Variants in CEP112 observed in about 807,000 individuals in gnomAD.
CEP112 encodes centrosomal protein of 112 kDa.
CEP112 carries 127 observed loss-of-function variants against 153.0 expected under a neutral mutation model. The observed-to-expected ratio is 0.83, with a 90% CI of 0.72 to 0.96. CEP112 has a LOEUF of 0.96. CEP112 is among the 40% of genes least tolerant of loss of function. The probability of loss-of-function intolerance (pLI) is 0.00; values close to 1 mark genes in which losing one functional copy is unlikely to be tolerated. For missense variants in CEP112, 1,089 were observed against 1,101.2 expected (o/e 0.99, Z 0.16); for synonymous variants, 358 against 374.4 (o/e 0.96, Z 0.51).
intron 21 of CEP112, among the ~76,000 whole-genome samples, chr17:65,837,694 T>C (rs1254943559): frequency 6.6e-6 from 1 of 152,224 alleles, no homozygotes. Context: ...TGTTACTGTG[T>C]CTGTGTAGAA....
At chr17:65,969,345 T>C (rs932530076) in intron 17 of CEP112, among the ~76,000 whole-genome samples, 12 of 152,142 alleles carry the variant, frequency 7.9e-5, no homozygotes, top group African/African-American at 2.7e-4. Flanking sequence ...TTAAGATCAT[T>C]ATGAAAAATA....
chr17:65,711,547 T>C (rs888428854), intron 23 of CEP112, among the ~76,000 whole-genome samples: 4 of 152,214 alleles, frequency 2.6e-5, no homozygotes, highest in Admixed American at 2.6e-4. Flanking sequence ...TATCACACTT[T>C]TGTTAAGTTT....
In CEP112 at chr17:65,885,324, T is replaced by TTAG. The variant is rs537411563; in HGVS notation, c.2163+16827_2163+16828insCTA. ...GTCCCTAAACTACTCATTCAGTTAC[T>TTAG]TAACTATTTGGCTGAAGATAATATT... On this transcript the variant is annotated intron_variant, in intron 20 of 26. Coordinates refer to ENST00000535342, the MANE Select transcript of CEP112 (RefSeq NM_001199165.4). 1.5e-3 allele frequency among the ~76,000 whole-genome samples: 232 copies of TTAG among 152,328 alleles called. 1 individual carries two copies. The highest frequency in any genetic ancestry group is 5.1e-3 in the African/African-American group (213 of 41,562).
Position 66,183,169 on chromosome 17 carries a change from A to G in CEP112, c.106+25T>C, listed in dbSNP as rs755541797. On this transcript the variant is annotated intron_variant, in intron 2 of 26. Transcript: ENST00000535342. Reference sequence around the variant, plus strand: ...ATAAAGAAAAAAATTAATCTTAAGAATCTAATCTTCAAACATAATCTTACC... The same window carrying G: ...ATAAAGAAAAAAATTAATCTTAAGAGTCTAATCTTCAAACATAATCTTACC... The G allele has an allele frequency of 7.0e-6, 10 of 1,437,638 alleles. No individual in the cohort carries two copies. In the African/African-American group the frequency reaches 1.0e-4, roughly 14 times the overall value. The allele number at this position is 1,437,638 out of a possible 1,614,324, so 89.1% of individuals were successfully genotyped here. A position where few individuals can be genotyped will look rare whatever the true frequency, so the allele number is the denominator to read the frequency against.
At chr17:65,971,367 C>A (rs1278642026) in intron 17 of CEP112, among the ~76,000 whole-genome samples, 1 of 152,170 alleles carries the variant, frequency 6.6e-6, no homozygotes. Context: ...ACATGTATAT[C>A]GCATGTATGT....
chr17:66,108,886 G>A (rs2068896305), intron 6 of CEP112, among the ~76,000 whole-genome samples: 1 of 152,134 alleles, frequency 6.6e-6, no homozygotes, highest in Non-Finnish European at 1.5e-5. Flanking sequence ...ACAGATGAAT[G>A]GAAAAAGAAA....
At chr17:65,886,682 A>C (rs1224952194) in intron 20 of CEP112, among the ~76,000 whole-genome samples, 1 of 152,220 alleles carries the variant, frequency 6.6e-6, no homozygotes, top group African/African-American at 2.4e-5. Context: ...TGTGGTAGTT[A>C]AAATGCAATT....
chr17:66,048,659 G>A (rs2056233), intron 12 of CEP112, among the ~76,000 whole-genome samples: 62,467 of 151,970 alleles, frequency 0.41, 14,304 homozygotes, highest in East Asian at 0.87. Flanking sequence ...GCCTAGGCTG[G>A]AGTGCAGTGG....
Position 66,066,836 on chromosome 17 carries a change from A to C in CEP112, c.897T>G (p.Thr299=), listed in dbSNP as rs751566662. 6.5e-7 allele frequency: 1 copy of C among 1,549,208 alleles called. No individual in the cohort carries two copies. Residue 299 remains threonine, a synonymous_variant, in exon 10 of 27, where the codon ACT becomes ACG. Transcript: ENST00000535342. ...RKNNEIEELK[T]LYRSKQHETE... ...TTTCATGTTGTTTACTCCTGTATAA[A>C]GTTTTCAGTTCTTCTATTTCATTAT...
At chr17:65,828,019 A>G (rs574007820) in intron 21 of CEP112, among the ~76,000 whole-genome samples, 21 of 152,308 alleles carry the variant, frequency 1.4e-4, no homozygotes, top group Non-Finnish European at 2.4e-4. Flanking sequence ...AAAATTCTAT[A>G]TAAGTTACTT....
At position 65,893,604 on chromosome 17, in the gene CEP112, C is replaced by T. The variant is rs1348944870; in HGVS notation, c.2163+8548G>A. Among the ~76,000 whole-genome samples, 3 of 152,220 alleles carry T rather than the reference C, an allele frequency of 2.0e-5. No homozygotes were observed. In the East Asian group the frequency reaches 5.8e-4, roughly 29 times the overall value. On this transcript the variant is annotated intron_variant, in intron 20 of 26. Coordinates refer to ENST00000535342, the MANE Select transcript of CEP112 (RefSeq NM_001199165.4). ...TGCACACTAACCTACTGATTCAATA[C>T]TTGGGGGCTCAATTCAGCCCATTTT...
At chr17:65,930,317 CA>C (rs1404032318) in intron 18 of CEP112, among the ~76,000 whole-genome samples, 1 of 152,206 alleles carries the variant, frequency 6.6e-6, no homozygotes, top group Non-Finnish European at 1.5e-5. Flanking sequence ...TTTATTCAGA[CA>C]TGATTAGACT....
intron 4 of CEP112, among the ~76,000 whole-genome samples, chr17:66,147,093 T>C (rs1161834369): frequency 6.6e-6 from 1 of 152,112 alleles, no homozygotes; most frequent in Non-Finnish European, 1.5e-5. Context: ...ACCATGTCAT[T>C]TCCAACAGCA....
chr17:65,651,752 G>A (rs2045793011), intron 24 of CEP112, among the ~76,000 whole-genome samples: 1 of 151,218 alleles, frequency 6.6e-6, no homozygotes, highest in Admixed American at 6.6e-5. Flanking sequence ...CCAGGCAGAA[G>A]TGCAGTGTCA....
At chr17:65,818,019 G>A (rs550810143) in intron 21 of CEP112, among the ~76,000 whole-genome samples, 2 of 151,786 alleles carry the variant, frequency 1.3e-5, no homozygotes, top group South Asian at 2.1e-4. Flanking sequence ...CAATTATGAC[G>A]CCTTTTCTTC....
At chr17:65,694,535 A>C (rs1245549890) in intron 23 of CEP112, among the ~76,000 whole-genome samples, 1 of 152,228 alleles carries the variant, frequency 6.6e-6, no homozygotes, top group Non-Finnish European at 1.5e-5. Context: ...TAATCAGAGA[A>C]AGCAGTTGTA....
At chr17:65,683,954 TC>T (rs2047661558) in intron 24 of CEP112, among the ~76,000 whole-genome samples, 1 of 152,104 alleles carries the variant, frequency 6.6e-6, no homozygotes. Flanking sequence ...GGCAGGTGAA[TC>T]ACTTGAACCC....
At chr17:65,739,030 T>C (rs886416511) in intron 23 of CEP112, among the ~76,000 whole-genome samples, 3 of 152,252 alleles carry the variant, frequency 2.0e-5, no homozygotes, top group Non-Finnish European at 2.9e-5. Flanking sequence ...CAGGGCTTAA[T>C]GGAAATACAG....
intron 21 of CEP112, among the ~76,000 whole-genome samples, chr17:65,754,123 G>A (rs4791134): frequency 0.41 from 63,077 of 152,042 alleles, 13,593 homozygotes; most frequent in East Asian, 0.69. Context: ...GAAAGAGAGA[G>A]AGGAAGTGAT....
Sources: gnomAD v4.1 joint callset for allele counts (sites outside exome capture counted in the v4.1 genomes callset) on GRCh38, gnomAD v4.1.1 for gene constraint, MANE v1.5 for transcripts, NCBI Gene and HGNC (gene_info 2026-07-23, HGNC 2026-07-21) for gene names.